The following CTNNA2 variants were observed in gnomAD, a reference collection of about 807,000 sequenced individuals.
CTNNA2 encodes the protein catenin alpha-2.
In CTNNA2, 42 loss-of-function variants were observed where a neutral mutation model predicts 101.0. That is an observed-to-expected ratio of 0.42 (90% confidence interval 0.32 to 0.54). CTNNA2 has a LOEUF of 0.54. CTNNA2 is among the 20% of genes least tolerant of loss of function. The pLI is 0.14. For missense variants in CTNNA2, 871 were observed against 1,223.1 expected, an observed-to-expected ratio of 0.71 and a Z score of 4.29; for synonymous variants, 450 against 456.4, an observed-to-expected ratio of 0.99 and a Z score of 0.18.
chr2:80,033,148 CA>C (rs781462046), intron 7 of CTNNA2, among the ~76,000 whole-genome samples: 1,131 of 56,104 alleles, frequency 0.02, 2 homozygotes, highest in African/African-American at 0.039. Flanking sequence ...GACTCCATCT[CA>C]AAAAAAAAAA....
At chr2:79,848,300 T>C (rs933254198) in intron 3 of CTNNA2, among the ~76,000 whole-genome samples, 3 of 152,198 alleles carry the variant, frequency 2.0e-5, no homozygotes, top group Non-Finnish European at 4.4e-5. Context: ...TTGAACAAAA[T>C]TGAGTTCACT....
intron 9 of CTNNA2, among the ~76,000 whole-genome samples, chr2:80,504,662 T>G (rs990879950): frequency 6.6e-6 from 1 of 152,162 alleles, no homozygotes; most frequent in Admixed American, 6.5e-5. Flanking sequence ...GGGAACTCTC[T>G]CTAGGTCTCC....
chr2:79,535,243 C>T (rs190521388), intron 1 of CTNNA2, among the ~76,000 whole-genome samples: 64 of 151,580 alleles, frequency 4.2e-4, no homozygotes, highest in African/African-American at 1.5e-3. Context: ...TTGAGACTGT[C>T]GCCCTGGCTG....
intron 7 of CTNNA2, among the ~76,000 whole-genome samples, chr2:80,156,207 T>C (rs977449814): frequency 6.6e-6 from 1 of 152,196 alleles, no homozygotes; most frequent in South Asian, 2.1e-4. Context: ...CTTTGGCTAA[T>C]CTTCCAAATC....
chr2:80,543,288 C>A (rs925703384), intron 9 of CTNNA2, among the ~76,000 whole-genome samples: 1 of 152,170 alleles, frequency 6.6e-6, no homozygotes, highest in Non-Finnish European at 1.5e-5. Context: ...AGACCTGCAT[C>A]GTTGGTTCCT....
At chr2:79,389,592 T>C (rs901674448) in intron 4 of CTNNA2, among the ~76,000 whole-genome samples, 4 of 152,224 alleles carry the variant, frequency 2.6e-5, no homozygotes, top group African/African-American at 7.2e-5. Flanking sequence ...ATTTATTCAA[T>C]AGAAGTTTTG....
chr2:79,351,900 G>A (rs1677396986), intron 3 of CTNNA2, among the ~76,000 whole-genome samples: 1 of 152,104 alleles, frequency 6.6e-6, no homozygotes, highest in African/African-American at 2.4e-5. Flanking sequence ...TGAACATACA[G>A]ACACATATGA....
At chr2:80,025,478 G>A (rs988015285) in intron 7 of CTNNA2, among the ~76,000 whole-genome samples, 3 of 152,182 alleles carry the variant, frequency 2.0e-5, no homozygotes, top group Admixed American at 6.5e-5. Flanking sequence ...AATGAGATGC[G>A]AGAAGACATC....
chr2:79,739,954 G>A (rs1671175349), intron 2 of CTNNA2, among the ~76,000 whole-genome samples: 1 of 152,132 alleles, frequency 6.6e-6, no homozygotes, highest in Admixed American at 6.5e-5. Flanking sequence ...AAAAATCTTT[G>A]ATTACTGATC....
At chr2:79,285,168 C>T (rs1480119385) in intron 2 of CTNNA2, among the ~76,000 whole-genome samples, 15 of 151,644 alleles carry the variant, frequency 9.9e-5, no homozygotes, top group African/African-American at 2.2e-4. Context: ...GTCTTGCTAG[C>T]GGTCTATCAA....
At position 80,073,687 on chromosome 2, in the gene CTNNA2, C is replaced by T. The variant is rs546604176; in HGVS notation, c.1056+163890C>T. Among the ~76,000 whole-genome samples, 510 of 151,728 alleles carry T rather than the reference C, an allele frequency of 3.4e-3. 4 individuals are homozygous for T. Among genetic ancestry groups the T allele is most frequent in the African/African-American group, 0.012 (484 of 41,356 alleles). Reference sequence around the variant, plus strand: ...CAGAACCCAAGTGCCAGTGTGCAGGCGCTCTCTGGTTTGTTCATAAAACAA... The same window carrying T: ...CAGAACCCAAGTGCCAGTGTGCAGGTGCTCTCTGGTTTGTTCATAAAACAA... On this transcript the variant is annotated intron_variant, in intron 7 of 18. Transcript: ENST00000402739.
intron 7 of CTNNA2, among the ~76,000 whole-genome samples, chr2:80,182,172 G>A (rs537083793): frequency 6.6e-6 from 1 of 152,202 alleles, no homozygotes; most frequent in African/African-American, 2.4e-5. Context: ...GAAGCAGACA[G>A]TGCAGCCCTT....
chr2:79,805,917 G>A (rs1676538387), intron 3 of CTNNA2, among the ~76,000 whole-genome samples: 1 of 150,368 alleles, frequency 6.7e-6, no homozygotes, highest in African/African-American at 2.5e-5. Flanking sequence ...CGGCCTGGGC[G>A]ACAGAGCAAG....
intron 7 of CTNNA2, among the ~76,000 whole-genome samples, chr2:80,374,682 C>CGTGTGTGTGTGTGTGT (rs57179557): frequency 1.5e-5 from 2 of 133,964 alleles, no homozygotes; most frequent in Admixed American, 7.4e-5. Flanking sequence ...TGCGTGCGTG[C>CGTGTGTGTGTGTGTGT]GTGTGTGTGT....
At chr2:80,321,157 A>G (rs957395455) in intron 7 of CTNNA2, among the ~76,000 whole-genome samples, 2 of 152,250 alleles carry the variant, frequency 1.3e-5, no homozygotes, top group East Asian at 1.9e-4. Context: ...ATGATATAAG[A>G]AAAGTTAATT....
chr2:80,159,917 A>G (rs1173258548), intron 7 of CTNNA2, among the ~76,000 whole-genome samples: 1 of 152,032 alleles, frequency 6.6e-6, no homozygotes, highest in Non-Finnish European at 1.5e-5. Flanking sequence ...CCTAGATCCT[A>G]AAAATATTTT....
At chr2:80,223,157 A>T (rs568423660) in intron 7 of CTNNA2, among the ~76,000 whole-genome samples, 2 of 152,298 alleles carry the variant, frequency 1.3e-5, no homozygotes, top group South Asian at 2.1e-4. Flanking sequence ...AAGATCAGGC[A>T]AATTGAGTTA....
At chr2:80,121,255 T>A (rs2148878363) in intron 7 of CTNNA2, among the ~76,000 whole-genome samples, 1 of 152,310 alleles carries the variant, frequency 6.6e-6, no homozygotes, top group African/African-American at 2.4e-5. Context: ...TAGATTAGAA[T>A]TTCAGCTCTA....
intron 7 of CTNNA2, among the ~76,000 whole-genome samples, chr2:79,958,333 A>G (rs1460692820): frequency 6.8e-6 from 1 of 146,940 alleles, no homozygotes; most frequent in Non-Finnish European, 1.5e-5. Flanking sequence ...GAAATCTTCC[A>G]TGGTTAAAGG....
Sources: allele counts gnomAD v4.1 joint callset (sites outside exome capture counted in the v4.1 genomes callset), GRCh38; gene constraint gnomAD v4.1.1; transcripts MANE v1.5; gene names NCBI Gene and HGNC (gene_info 2026-07-23, HGNC 2026-07-21).